Variants in ESRRG observed in about 807,000 individuals in gnomAD.
The protein encoded by ESRRG is estrogen related receptor gamma.
Under a neutral mutation model 44.0 loss-of-function variants are expected in ESRRG, and 13 were observed. The observed-to-expected ratio is 0.30, with a 90% CI of 0.19 to 0.47. The LOEUF is 0.47. Among genes scored for constraint, ESRRG ranks in the 20% least tolerant of loss-of-function variants. ESRRG has a pLI of 1.00. For missense variants in ESRRG, 395 were observed against 580.6 expected (o/e 0.68, Z 3.29); for synonymous variants, 215 against 214.6 (o/e 1.00, Z -0.02).
At chr1:217,001,414 T>C (rs1236531124) in intron 1 of ESRRG, among the ~76,000 whole-genome samples, 1 of 152,244 alleles carries the variant, frequency 6.6e-6, no homozygotes, top group African/African-American at 2.4e-5. Context: ...CCGCAGCTTT[T>C]CCCTACTCTT....
At chr1:216,830,561 A>T (rs546722953) in intron 2 of ESRRG, among the ~76,000 whole-genome samples, 125 of 152,246 alleles carry the variant, frequency 8.2e-4, no homozygotes, top group African/African-American at 2.9e-3. Flanking sequence ...TTATACAAGC[A>T]TCTGGAGTTC....
intron 1 of ESRRG, among the ~76,000 whole-genome samples, chr1:217,075,480 A>G (rs2091155828): frequency 6.6e-6 from 1 of 152,060 alleles, no homozygotes; most frequent in South Asian, 2.1e-4. Flanking sequence ...CCTATCTTTC[A>G]GCTTGGAGAA....
chr1:217,057,847 A>G lies in ESRRG; in HGVS notation c.-106+31660T>C, dbSNP rs115178287. On this transcript the variant is annotated intron_variant, in intron 1 of 7. Coordinates refer to the ESRRG transcript ENST00000359162. The stretch of plus-strand genomic sequence containing the variant: ...TTGTTTGTTTTTAGCTCCATCGGCT[A>G]TCATTAGTGTTAGTGTATTTTATGT... 7.0e-3 allele frequency among the ~76,000 whole-genome samples: 1,065 copies of G among 152,304 alleles called. 6 individuals carry two copies. The highest frequency in any genetic ancestry group is 0.014 in the Middle Eastern group (4 of 294).
intron 1 of ESRRG, among the ~76,000 whole-genome samples, chr1:217,073,703 A>G (rs531047089): frequency 6.6e-6 from 1 of 152,186 alleles, no homozygotes; most frequent in African/African-American, 2.4e-5. Context: ...GACAATATAT[A>G]AGAGCTGGAA....
chr1:216,521,148 G>A (rs963976303), intron 5 of ESRRG, among the ~76,000 whole-genome samples: 2 of 152,090 alleles, frequency 1.3e-5, no homozygotes, highest in African/African-American at 4.8e-5. Context: ...GGCTGTGTAA[G>A]TCTTGTTTCT....
chr1:216,685,337 A>G (rs1216280381), intron 1 of ESRRG, among the ~76,000 whole-genome samples: 1 of 152,216 alleles, frequency 6.6e-6, no homozygotes, highest in Non-Finnish European at 1.5e-5. Context: ...GAGGTTTACT[A>G]TGCCATGAGC....
intron 5 of ESRRG, among the ~76,000 whole-genome samples, chr1:216,529,467 T>C (rs906081518): frequency 6.6e-6 from 1 of 152,172 alleles, no homozygotes; most frequent in African/African-American, 2.4e-5. Flanking sequence ...TTTTAAGTCA[T>C]GCAAAGTTTT....
intron 1 of ESRRG, among the ~76,000 whole-genome samples, chr1:217,045,697 G>A (rs575951894): frequency 5.9e-5 from 9 of 152,172 alleles, no homozygotes; most frequent in Middle Eastern, 3.4e-3. Flanking sequence ...TCCTAGATAC[G>A]ACGGCAGTTG....
At chr1:216,811,544 C>G (rs1378480363) in intron 2 of ESRRG, among the ~76,000 whole-genome samples, 1 of 152,162 alleles carries the variant, frequency 6.6e-6, no homozygotes. Context: ...AGACGGATGA[C>G]AATCAGTAGG....
chr1:216,942,484 C>A (rs1408242252), intron 1 of ESRRG, among the ~76,000 whole-genome samples: 1 of 152,152 alleles, frequency 6.6e-6, no homozygotes, highest in African/African-American at 2.4e-5. Context: ...TTTGAGAAAC[C>A]TCCAAACTGC....
intron 3 of ESRRG, among the ~76,000 whole-genome samples, chr1:216,609,178 A>AG (rs1202749731): frequency 8.5e-5 from 13 of 152,238 alleles, no homozygotes; most frequent in African/African-American, 3.1e-4. Flanking sequence ...TACCTCTGCT[A>AG]CATAGGATTT....
intron 1 of ESRRG, among the ~76,000 whole-genome samples, chr1:217,032,084 T>C (rs4846805): frequency 0.22 from 34,004 of 151,916 alleles, 3,987 homozygotes; most frequent in Middle Eastern, 0.3. Context: ...CCAGAATGAG[T>C]TGGTCACTTC....
intron 2 of ESRRG, among the ~76,000 whole-genome samples, chr1:216,664,256 C>T (rs2073298321): frequency 6.6e-6 from 1 of 151,854 alleles, no homozygotes; most frequent in South Asian, 2.1e-4. Flanking sequence ...ATTTCGGGGA[C>T]CCAGTTGTTC....
intron 1 of ESRRG, among the ~76,000 whole-genome samples, chr1:216,958,502 G>C (rs1180261827): frequency 9.3e-6 from 1 of 107,242 alleles, no homozygotes; most frequent in African/African-American, 2.7e-5. Context: ...GCATCTCACT[G>C]TGGTCTTTCT....
intron 1 of ESRRG, among the ~76,000 whole-genome samples, chr1:217,018,859 G>A (rs951034961): frequency 1.3e-5 from 2 of 152,054 alleles, no homozygotes; most frequent in African/African-American, 2.4e-5. Flanking sequence ...CACGTGGACC[G>A]CATTATGGCA....
intron 1 of ESRRG, among the ~76,000 whole-genome samples, chr1:217,105,375 C>T (rs531746184): frequency 6.6e-6 from 1 of 152,278 alleles, no homozygotes; most frequent in East Asian, 1.9e-4. Flanking sequence ...TCACTGTCTT[C>T]TAATAGACTT....
intron 1 of ESRRG, among the ~76,000 whole-genome samples, chr1:217,001,673 A>T (rs1349616669): frequency 6.6e-6 from 1 of 152,152 alleles, no homozygotes; most frequent in Non-Finnish European, 1.5e-5. Context: ...AATAGCAAAG[A>T]GGCCAAGGTG....
intron 2 of ESRRG, among the ~76,000 whole-genome samples, chr1:216,830,497 G>T (rs550431880): frequency 5.9e-5 from 9 of 152,180 alleles, no homozygotes; most frequent in African/African-American, 2.2e-4. Flanking sequence ...TGAGAGGCTT[G>T]TCAGGTGTAA....
At chr1:217,078,530 T>C (rs926898589) in intron 1 of ESRRG, among the ~76,000 whole-genome samples, 9 of 152,166 alleles carry the variant, frequency 5.9e-5, no homozygotes, top group Admixed American at 5.9e-4. Flanking sequence ...CAGAAAGGAA[T>C]GTGGAAAGTA....
Sources: allele counts gnomAD v4.1 joint callset (sites outside exome capture counted in the v4.1 genomes callset), GRCh38; gene constraint gnomAD v4.1.1; transcripts MANE v1.5; gene names NCBI Gene and HGNC (gene_info 2026-07-23, HGNC 2026-07-21).